Variants in ADH1B observed in about 807,000 individuals in gnomAD.
ADH1B encodes the protein alcohol dehydrogenase 1B (class I), beta polypeptide, also known as all-trans-retinol dehydrogenase [NAD(+)] ADH1B.
ADH1B carries 29 observed loss-of-function variants against 34.6 expected under a neutral mutation model. The observed-to-expected ratio is 0.84, with a 90% CI of 0.62 to 1.14. The LOEUF is 1.14. Ranked by LOEUF, ADH1B falls within the 50% of genes most tolerant of loss-of-function variation. The pLI, the probability that ADH1B is intolerant of heterozygous loss-of-function variation, is 0.00. For synonymous variants in ADH1B, 170 were observed against 175.5 expected (o/e 0.97, Z 0.25); for missense variants, 424 against 468.4 (o/e 0.91, Z 0.87).
At chr4:99,317,156 G>A (rs1238997867) in intron 3 of ADH1B, 1 of 151,856 alleles carries the variant, frequency 6.6e-6, no homozygotes. Flanking sequence ...AAGGGGGCAG[G>A]GTGAATCTAC....
chr4:99,316,062 C>G lies in ADH1B; in HGVS notation c.403G>C (p.Gly135Arg), dbSNP rs761325177. ...CCAAGGAAGTGGTGAATGGGCTTCCCCCTGCAGGTGAACCTCCTGGTGCCA... is the reference window on the plus strand; with the variant it reads ...CCAAGGAAGTGGTGAATGGGCTTCCGCCTGCAGGTGAACCTCCTGGTGCCA... ...QDGTRRFTCRGKPIHHFLGTS... is the reference protein window; with the variant it reads ...QDGTRRFTCRRKPIHHFLGTS... The change falls in exon 5 of 9, where the codon GGG (glycine) becomes CGG (arginine). Residue 135 changes from glycine to arginine, a missense_variant. Transcript: ENST00000305046. 1 of 1,614,192 alleles carries G rather than the reference C, an allele frequency of 6.2e-7. No homozygotes were observed. The highest frequency in any genetic ancestry group is 1.1e-5 in the South Asian group (1 of 91,080).
At chr4:99,310,354 T>C (rs777445699) in intron 8 of ADH1B, 1 of 457,428 alleles carries the variant, frequency 2.2e-6, no homozygotes, top group South Asian at 1.6e-5. Context: ...GTTGAGGATG[T>C]CCTGAAAATT....
intron 1 of ADH1B, chr4:99,320,934 G>T: frequency 8.0e-7 from 1 of 1,252,862 alleles, no homozygotes; most frequent in Non-Finnish European, 1.0e-6. Context: ...TAAAAAATTT[G>T]AATAAAAATA....
chr4:99,306,766 A>C lies in ADH1B; in HGVS notation c.*1074T>G, dbSNP rs1448197015. 1 of 152,256 alleles carries C rather than the reference A, an allele frequency of 6.6e-6. No individual in the cohort carries two copies. The highest frequency in any genetic ancestry group is 1.5e-5 in the Non-Finnish European group (1 of 68,034). The allele number at this position is 152,256 out of a possible 1,614,324, so 9.4% of individuals were successfully genotyped here. A position where few individuals can be genotyped will look rare whatever the true frequency, so the allele number is the denominator to read the frequency against. On this transcript the variant is annotated 3_prime_UTR_variant, in exon 9 of 9. Coordinates refer to ENST00000305046, the MANE Select transcript of ADH1B (RefSeq NM_000668.6). ...AATATTAAACTAATGCTAGGATTAT[A>C]GACTTGATTTTAAGACATGGTAGTT...
intron 1 of ADH1B, chr4:99,320,854 A>C: frequency 1.6e-6 from 2 of 1,256,952 alleles, no homozygotes; most frequent in Non-Finnish European, 2.0e-6. Context: ...TAGTAAGGTT[A>C]AAGGATATTT....
Position 99,316,306 on chromosome 4 carries a change from G to A in ADH1B, c.260-4C>T. ...AAGAGCGGGATGACTTTATCACCTG[G>A]AGAGGAATAAAACAAGTTCTTCTTA... On this transcript the variant is annotated splice_region_variant and splice_polypyrimidine_tract_variant and intron_variant, in intron 3 of 8. Coordinates refer to ENST00000305046, the MANE Select transcript of ADH1B (RefSeq NM_000668.6). 3 of 1,612,142 alleles carry A rather than the reference G, an allele frequency of 1.9e-6. No individual in the cohort carries two copies. In the South Asian group the frequency reaches 3.3e-5, roughly 18 times the overall value.
intron 3 of ADH1B, 166 bp downstream of exon 3, chr4:99,317,880 A>T: frequency 8.8e-7 from 1 of 1,140,192 alleles, no homozygotes. Context: ...GAATGCATAC[A>T]TGCTTGGGTC....
rs1444930711 is a variant in ADH1B, at chr4:99,305,559, GTGTATATATATATATATA to G, written c.*2263_*2280del. 9.7e-4 allele frequency: 42 copies of G among 43,104 alleles called. 1 individual carries two copies. Among genetic ancestry groups the G allele is most frequent in the South Asian group, 1.2e-3 (2 of 1,652 alleles). The allele number at this position is 43,104 out of a possible 1,614,324, so 2.7% of individuals were successfully genotyped here. A position where few individuals can be genotyped will look rare whatever the true frequency, so the allele number is the denominator to read the frequency against. On this transcript the variant is annotated 3_prime_UTR_variant, in exon 9 of 9. Transcript: ENST00000305046. ...AACTATATGAACCACTTGCCCCATA[GTGTATATATATATATATA>G]TATATATATATATATATATATATAT...
At chr4:99,318,301 C>A (rs1733939355) in intron 2 of ADH1B, 117 bp from the exon 3 acceptor site, 1 of 1,310,182 alleles carries the variant, frequency 7.6e-7, no homozygotes, top group Non-Finnish European at 1.1e-6. Flanking sequence ...TGCTACTAAT[C>A]CCTACTATTC....
At chr4:99,308,533 A>T (rs181373790) in intron 8 of ADH1B, among the ~76,000 whole-genome samples, 200 of 152,140 alleles carry the variant, frequency 1.3e-3, no homozygotes, top group Non-Finnish European at 1.4e-3. Flanking sequence ...AATAAAGTTG[A>T]TTTGTATTAA....
chr4:99,319,201 C>T (rs963913745), intron 1 of ADH1B: 17 of 413,780 alleles, frequency 4.1e-5, no homozygotes, highest in Admixed American at 1.8e-4. Context: ...TGAAAATGCT[C>T]GTCTACCCAC....
intron 3 of ADH1B, 46 bp from the exon 4 acceptor site, chr4:99,316,348 TTAA>T: frequency 1.9e-6 from 3 of 1,565,470 alleles, no homozygotes; most frequent in Non-Finnish European, 2.6e-6. Context: ...TATGCAGTAA[TTAA>T]TAGAGCAAAG....
At position 99,306,250 on chromosome 4, in the gene ADH1B, C is replaced by T. The variant is rs948479924; in HGVS notation, c.*1590G>A. 1 of 152,236 alleles carries T rather than the reference C, an allele frequency of 6.6e-6. No individual in the cohort carries two copies. The highest frequency in any genetic ancestry group is 1.5e-5 in the Non-Finnish European group (1 of 68,094). The allele number at this position is 152,236 out of a possible 1,614,324, so 9.4% of individuals were successfully genotyped here. ...CAAACTCCTGACCTCAGGTCATCCACCCGTCTTGACCTCCCAAAGTGCTGG... is the reference window on the plus strand; with the variant it reads ...CAAACTCCTGACCTCAGGTCATCCATCCGTCTTGACCTCCCAAAGTGCTGG... On this transcript the variant is annotated 3_prime_UTR_variant, in exon 9 of 9. Transcript: ENST00000305046.
At chr4:99,316,936 T>TGTTGTGAAGCCTAA (rs1216804208) in intron 3 of ADH1B, 6 of 149,956 alleles carry the variant, frequency 4.0e-5, no homozygotes, top group Non-Finnish European at 7.4e-5. Flanking sequence ...TTAGGCACTT[T>TGTTGTGAAGCCTAA]CTTTTAGGAT....
chr4:99,305,087 C>G lies in ADH1B; in HGVS notation c.*2753G>C, dbSNP rs922566701. 3.3e-5 allele frequency: 5 copies of G among 151,300 alleles called. No individual in the cohort carries two copies. Among genetic ancestry groups the G allele is most frequent in the Admixed American group, 2.6e-4 (4 of 15,188 alleles). 9.4% of individuals were successfully genotyped at this position (151,300 alleles called of 1,614,324 possible). A position where few individuals can be genotyped will look rare whatever the true frequency, so the allele number is the denominator to read the frequency against. ...ACGAATTTCCATCATTGTTCATTTT[C>G]CTCTTTGGTTGTCTATTTTTAAATG... On this transcript the variant is annotated 3_prime_UTR_variant, in exon 9 of 9. Transcript: ENST00000305046.
At chr4:99,317,748 T>A (rs946600477) in intron 3 of ADH1B, 12 of 354,944 alleles carry the variant, frequency 3.4e-5, no homozygotes, top group Non-Finnish European at 5.5e-5. Context: ...GGACTATGAA[T>A]GCCACACTGG....
intron 7 of ADH1B, among the ~76,000 whole-genome samples, chr4:99,311,208 G>A (rs1309980426): frequency 6.6e-6 from 1 of 152,092 alleles, no homozygotes; most frequent in African/African-American, 2.4e-5. Context: ...ATGAAATATT[G>A]TTGTAGATTT....
intron 3 of ADH1B, 86 bp downstream of exon 3, chr4:99,317,960 C>T (rs1560529652): frequency 2.5e-6 from 4 of 1,569,124 alleles, no homozygotes; most frequent in East Asian, 2.2e-5. Context: ...CAAGCACTTT[C>T]GTCTCTCATT....
chr4:99,316,396 T>G, intron 3 of ADH1B, 94 bp from the exon 4 acceptor site: 1 of 1,275,490 alleles, frequency 7.8e-7, no homozygotes, highest in Admixed American at 2.3e-5. Context: ...AGAAGCATGT[T>G]TCTTTAAAAG....
Sources: gnomAD v4.1 joint callset for allele counts (sites outside exome capture counted in the v4.1 genomes callset) on GRCh38, gnomAD v4.1.1 for gene constraint, MANE v1.5 for transcripts, NCBI Gene and HGNC (gene_info 2026-07-23, HGNC 2026-07-21) for gene names.